Variants in DAP3 observed in about 807,000 individuals in gnomAD.
DAP3 encodes small ribosomal subunit protein mS29.
A neutral mutation model predicts 51.9 loss-of-function variants in DAP3; 28 were observed. That is an observed-to-expected ratio of 0.54 (90% CI 0.40 to 0.74). The LOEUF (loss-of-function observed/expected upper bound fraction) is 0.74. Ranked by LOEUF, DAP3 falls within the 30% of genes least tolerant of loss-of-function variation. The pLI, the probability that DAP3 is intolerant of heterozygous loss-of-function variation, is 0.00. For missense variants in DAP3, 458 were observed against 483.5 expected, an observed-to-expected ratio of 0.95 and a Z score of 0.49; for synonymous variants, 170 against 170.3, an observed-to-expected ratio of 1.00 and a Z score of 0.01.
At chr1:155,732,192 C>A in intron 11 of DAP3, 159 bp downstream of exon 11, 1 of 525,710 alleles carries the variant, frequency 1.9e-6, no homozygotes, top group Non-Finnish European at 3.3e-6. Flanking sequence ...ACTTGATCAT[C>A]ATTGCTTTAT....
chr1:155,688,777 T>C (rs1653167481), upstream of DAP3: 1 of 1,462,764 alleles, frequency 6.8e-7, no homozygotes, highest in Admixed American at 2.1e-5. Flanking sequence ...CACCCTACAC[T>C]CCTCGCGCGT....
intron 2 of DAP3, among the ~76,000 whole-genome samples, chr1:155,711,390 G>A (rs1050090623): frequency 3.3e-5 from 5 of 152,074 alleles, no homozygotes; most frequent in Non-Finnish European, 5.9e-5. Flanking sequence ...CTACTTGGGA[G>A]GCTGAGGTAA....
At chr1:155,701,019 C>G (rs1443716428) in intron 1 of DAP3, among the ~76,000 whole-genome samples, 1 of 126,274 alleles carries the variant, frequency 7.9e-6, no homozygotes, top group South Asian at 2.5e-4. Context: ...GTCAGCCCCC[C>G]GCCCGGCCAG....
intron 1 of DAP3, among the ~76,000 whole-genome samples, chr1:155,695,853 A>G: frequency 6.6e-6 from 1 of 152,218 alleles, no homozygotes; most frequent in Non-Finnish European, 1.5e-5. Flanking sequence ...CCATCAGTAA[A>G]AACAATCATG....
intron 6 of DAP3, chr1:155,726,236 C>T (rs1460388084): frequency 5.8e-6 from 2 of 344,134 alleles, no homozygotes; most frequent in Non-Finnish European, 1.0e-5. Flanking sequence ...GCCTCAGCCT[C>T]CCAAGTAGCT....
chr1:155,701,020 GC>G (rs2149124668), intron 1 of DAP3, among the ~76,000 whole-genome samples: 1 of 115,906 alleles, frequency 8.6e-6, no homozygotes, highest in East Asian at 2.6e-4. Flanking sequence ...TCAGCCCCCC[GC>G]CCGGCCAGCC....
chr1:155,727,743 C>A lies in DAP3; in HGVS notation c.603+5C>A, dbSNP rs768857373. 4.3e-6 allele frequency: 7 copies of A among 1,613,216 alleles called. No homozygotes were observed. The highest frequency in any genetic ancestry group is 2.5e-6 in the Non-Finnish European group (3 of 1,179,558). ...AATGAGCGCTTCCTGAACCAGGTGA[C>A]TAGACTCCCAGAAGTTGAGTGCTAG... On this transcript the variant is annotated splice_donor_5th_base_variant and intron_variant, in intron 7 of 12. Transcript: ENST00000368336.
intron 2 of DAP3, among the ~76,000 whole-genome samples, chr1:155,715,700 CTTTCTACAT>C (rs1421377841): frequency 1.3e-5 from 2 of 152,198 alleles, no homozygotes; most frequent in Non-Finnish European, 2.9e-5. Context: ...CATCTTTTCA[CTTTCTACAT>C]AAGGTTTGTT....
At chr1:155,696,783 A>G (rs558542636) in intron 1 of DAP3, among the ~76,000 whole-genome samples, 50 of 152,372 alleles carry the variant, frequency 3.3e-4, no homozygotes, top group Non-Finnish European at 5.7e-4. Context: ...AAACCTTCCA[A>G]TGATATCTGG....
chr1:155,699,628 A>T (rs117614978), intron 1 of DAP3, among the ~76,000 whole-genome samples: 8 of 152,106 alleles, frequency 5.3e-5, no homozygotes, highest in African/African-American at 1.9e-4. Flanking sequence ...CATTTTTTTA[A>T]TTTGAGGCAG....
Position 155,738,371 on chromosome 1 carries a change from C to A in DAP3, c.*129C>A. On this transcript the variant is annotated 3_prime_UTR_variant, in exon 13 of 13. Coordinates refer to ENST00000368336, the MANE Select transcript of DAP3 (RefSeq NM_004632.4). ...GTACCTATGGGATTGGACAGGACTG[C>A]AGTTGGCTCTGGACCTGCATTAAAA... 1 of 888,818 alleles carries A rather than the reference C, an allele frequency of 1.1e-6. No individual in the cohort carries two copies. Among genetic ancestry groups the A allele is most frequent in the Non-Finnish European group, 1.7e-6 (1 of 591,714 alleles). 55.1% of individuals were successfully genotyped at this position (888,818 alleles called of 1,614,324 possible). A position where few individuals can be genotyped will look rare whatever the true frequency, so the allele number is the denominator to read the frequency against.
intron 1 of DAP3, among the ~76,000 whole-genome samples, chr1:155,693,466 A>G (rs1199805915): frequency 7.0e-6 from 1 of 141,950 alleles, no homozygotes; most frequent in Non-Finnish European, 1.5e-5. Flanking sequence ...TGGGCCGGCT[A>G]TACCAAAATT....
At chr1:155,722,341 G>C (rs1210823404) in intron 4 of DAP3, among the ~76,000 whole-genome samples, 1 of 152,050 alleles carries the variant, frequency 6.6e-6, no homozygotes, top group Admixed American at 6.6e-5. Context: ...CAGGAGGTGA[G>C]GGCTTCAGTG....
chr1:155,725,221 T>C (rs994678212), intron 4 of DAP3, among the ~76,000 whole-genome samples, 161 bp from the exon 5 acceptor site: 2 of 152,194 alleles, frequency 1.3e-5, no homozygotes, highest in African/African-American at 2.4e-5. Context: ...GTTATATGGA[T>C]AGATTTTCAA....
chr1:155,714,810 G>T (rs2149160082), intron 2 of DAP3, among the ~76,000 whole-genome samples: 1 of 152,224 alleles, frequency 6.6e-6, no homozygotes, highest in South Asian at 2.1e-4. Flanking sequence ...AACCTGTGTA[G>T]TGGGAATGTT....
chr1:155,716,003 T>C (rs763092855), intron 2 of DAP3, among the ~76,000 whole-genome samples: 1 of 152,214 alleles, frequency 6.6e-6, no homozygotes, highest in African/African-American at 2.4e-5. Flanking sequence ...GATCCCCTGA[T>C]AACTGAGGTG....
At chr1:155,713,506 C>T (rs1656956200) in intron 2 of DAP3, among the ~76,000 whole-genome samples, 1 of 152,182 alleles carries the variant, frequency 6.6e-6, no homozygotes, top group African/African-American at 2.4e-5. Flanking sequence ...CGTACTCTCT[C>T]ATTGCATGTT....
At chr1:155,708,340 C>CCTGT (rs1656245490) in intron 1 of DAP3, among the ~76,000 whole-genome samples, 1 of 152,186 alleles carries the variant, frequency 6.6e-6, no homozygotes, top group African/African-American at 2.4e-5. Context: ...TGAGCCACCA[C>CCTGT]ACTTTCAACT....
chr1:155,732,205 G>A (rs981127135), intron 11 of DAP3, 172 bp downstream of exon 11: 12 of 468,756 alleles, frequency 2.6e-5, no homozygotes, highest in Non-Finnish European at 3.3e-5. Context: ...TGCTTTATCC[G>A]TCTCCGTCTT....
Sources: gnomAD v4.1 joint callset for allele counts (sites outside exome capture counted in the v4.1 genomes callset) on GRCh38, gnomAD v4.1.1 for gene constraint, MANE v1.5 for transcripts, NCBI Gene and HGNC (gene_info 2026-07-23, HGNC 2026-07-21) for gene names.